The following ZNF723 variants were observed in gnomAD, a reference collection of about 807,000 sequenced individuals.
ZNF723 encodes the protein zinc finger protein 723, also known as zinc finger protein 723, pseudogene.
In ZNF723, 5 loss-of-function variants were observed where a neutral mutation model predicts 9.4. The observed-to-expected ratio is 0.53, with a 90% CI of 0.28 to 1.12. The LOEUF (loss-of-function observed/expected upper bound fraction) is 1.12, where lower values mean the gene tolerates loss of function less well. ZNF723 is among the 50% of genes most tolerant of loss of function. The pLI, the probability that ZNF723 is intolerant of heterozygous loss-of-function variation, is 0.10. For synonymous variants in ZNF723, 158 were observed against 168.8 expected, an observed-to-expected ratio of 0.94 and a Z score of 0.49; for missense variants, 450 against 501.5, an observed-to-expected ratio of 0.90 and a Z score of 0.98.
chr19:22,828,748 C>T (rs562503960), upstream of ZNF723, among the ~76,000 whole-genome samples: 35 of 152,234 alleles, frequency 2.3e-4, 1 homozygote, highest in Non-Finnish European at 3.4e-4. Context: ...AAATGAGTCA[C>T]CTGTGCTAAA....
At chr19:22,829,257 T>G (rs972162319), upstream of ZNF723, among the ~76,000 whole-genome samples, 1 of 151,396 alleles carries the variant, frequency 6.6e-6, no homozygotes, top group African/African-American at 2.4e-5. Context: ...GTTCTGCTAT[T>G]TTACAGTAGG....
At chr19:22,826,570 A>G in the ZNF723 span, among the ~76,000 whole-genome samples, 1 of 152,212 alleles carries the variant, frequency 6.6e-6, no homozygotes, top group Non-Finnish European at 1.5e-5. Context: ...ACTCTCTCAC[A>G]TGGACACAGC....
rs926376349 is a variant in ZNF723, at chr19:22,836,268, C to T, written c.3+3886C>T. On this transcript the variant is annotated intron_variant, in intron 1 of 3. Transcript: ENST00000600766. ...GGAAAGCTGGGGACCCTCAGGCAGA[C>T]GCAGTTAAGGTTAAGATGGAATGGG... is the stretch of plus-strand genomic sequence containing the variant. 5.3e-5 allele frequency among the ~76,000 whole-genome samples: 8 copies of T among 152,104 alleles called. No individual in the cohort carries two copies. The East Asian group carries it at 9.7e-4, about 18-fold the overall frequency.
Position 22,840,981 on chromosome 19 carries a change from T to G in ZNF723, c.4-7280T>G, listed in dbSNP as rs561466740. On this transcript the variant is annotated intron_variant, in intron 1 of 3. Coordinates refer to ENST00000600766, the MANE Select transcript of ZNF723 (RefSeq NM_001349726.2). ...TGGCAATTGGGGTTCATGTAAGATGTGAGCTGCCAGCTATGAGCTTTGTGT... is the reference window on the plus strand; with the variant it reads ...TGGCAATTGGGGTTCATGTAAGATGGGAGCTGCCAGCTATGAGCTTTGTGT... 6.6e-5 allele frequency: 10 copies of G among 152,426 alleles called. No homozygotes were observed. The East Asian group carries it at 1.2e-3, about 18-fold the overall frequency. 9.4% of individuals were successfully genotyped at this position (152,426 alleles called of 1,614,324 possible). A position where few individuals can be genotyped will look rare whatever the true frequency, so the allele number is the denominator to read the frequency against.
chr19:22,857,544 A>G lies in ZNF723; in HGVS notation c.653A>G (p.Asn218Ser). The G allele has an allele frequency of 7.6e-7, 1 of 1,321,130 alleles. No individual in the cohort carries two copies. The highest frequency in any genetic ancestry group is 1.2e-5 in the South Asian group (1 of 84,750). 81.8% of individuals were successfully genotyped at this position (1,321,130 alleles called of 1,614,324 possible). ...KAFSVPSKLN[N>S]HKRIHTGEKP... ...TTTAGTGTGCCCTCAAAGCTTAATA[A>G]TCATAAGAGAATTCATACTGGAGAG... The change falls in exon 4 of 4, where the codon AAT (asparagine) becomes AGT (serine). Residue 218 changes from asparagine to serine, a missense_variant. Physicochemically the swap from Asn to Ser is conservative, Grantham distance 46. This residue lies in a region of ZNF723 where 237 missense variants were observed against 332.2 expected (regional missense o/e 0.71). Coordinates refer to ENST00000600766, the MANE Select transcript of ZNF723 (RefSeq NM_001349726.2).
At chr19:22,855,993 C>T (rs1326660088) in intron 3 of ZNF723, among the ~76,000 whole-genome samples, 1 of 151,976 alleles carries the variant, frequency 6.6e-6, no homozygotes, top group Non-Finnish European at 1.5e-5. Context: ...GAGTCTTGCT[C>T]TTGTCTCCCA....
chr19:22,847,228 G>A (rs952782350), intron 1 of ZNF723, among the ~76,000 whole-genome samples: 1 of 150,604 alleles, frequency 6.6e-6, no homozygotes, highest in Non-Finnish European at 1.5e-5. Context: ...GGTGCCCACC[G>A]CCATGCCAGA....
chr19:22,820,466 T>C, the ZNF723 span, among the ~76,000 whole-genome samples: 1 of 152,132 alleles, frequency 6.6e-6, no homozygotes, highest in Non-Finnish European at 1.5e-5. Context: ...CAGAGAATAT[T>C]ATAATATATT....
the ZNF723 span, among the ~76,000 whole-genome samples, chr19:22,812,728 G>A: frequency 4.6e-5 from 7 of 152,128 alleles, no homozygotes; most frequent in East Asian, 3.9e-4. Context: ...GAGGTCCCAA[G>A]TCTCCCTCAT....
chr19:22,852,036 C>G (rs1023295788), intron 3 of ZNF723, among the ~76,000 whole-genome samples: 2 of 151,916 alleles, frequency 1.3e-5, no homozygotes, highest in African/African-American at 4.8e-5. Context: ...TGATCTGCCC[C>G]CTTCGGCCTC....
chr19:22,830,151 CTAT>C, upstream of ZNF723, among the ~76,000 whole-genome samples: 1 of 152,000 alleles, frequency 6.6e-6, no homozygotes, highest in South Asian at 2.1e-4. Flanking sequence ...TCAAATTATC[CTAT>C]GTCTGTTCAA....
At chr19:22,839,744 G>A (rs1020667719) in intron 1 of ZNF723, among the ~76,000 whole-genome samples, 1 of 151,914 alleles carries the variant, frequency 6.6e-6, no homozygotes, top group Non-Finnish European at 1.5e-5. Flanking sequence ...CAAAGTGCTA[G>A]GATTACAGGC....
intron 3 of ZNF723, among the ~76,000 whole-genome samples, chr19:22,855,217 GATT>G (rs1367107498): frequency 6.7e-6 from 1 of 149,362 alleles, no homozygotes; most frequent in Non-Finnish European, 1.5e-5. Context: ...ATTTTTATAT[GATT>G]ATGTGTTTTC....
the ZNF723 span, among the ~76,000 whole-genome samples, chr19:22,821,954 C>CA: frequency 2.4e-4 from 36 of 152,170 alleles, no homozygotes; most frequent in East Asian, 6.8e-3. Flanking sequence ...ACTAAAAATA[C>CA]AAAAAATTAG....
At chr19:22,832,416 G>C in intron 1 of ZNF723, 34 bp downstream of exon 1, 1 of 1,363,970 alleles carries the variant, frequency 7.3e-7, no homozygotes, top group Non-Finnish European at 1.0e-6. Flanking sequence ...CCGAGAGAGG[G>C]GAAGGGCTGG....
At chr19:22,847,350 A>AT (rs1446912646) in intron 1 of ZNF723, among the ~76,000 whole-genome samples, 1 of 151,942 alleles carries the variant, frequency 6.6e-6, no homozygotes, top group African/African-American at 2.4e-5. Context: ...TTCTTTGCAT[A>AT]TATCTGTCCT....
chr19:22,846,491 C>T (rs1394533410), intron 1 of ZNF723, among the ~76,000 whole-genome samples: 3 of 152,046 alleles, frequency 2.0e-5, no homozygotes, highest in African/African-American at 7.2e-5. Context: ...GGCATGGTGG[C>T]GCATGCCTGT....
At chr19:22,843,943 G>A (rs12980225) in intron 1 of ZNF723, among the ~76,000 whole-genome samples, 2 of 151,912 alleles carry the variant, frequency 1.3e-5, no homozygotes, top group African/African-American at 4.8e-5. Context: ...CTGGAAATAC[G>A]CCAGTGGCAC....
rs2145235588 is a variant in ZNF723, at chr19:22,857,761, T to C, written c.870T>C (p.Cys290=). The change falls in exon 4 of 4, where the codon TGT becomes TGC. Residue 290 remains cysteine (C), a synonymous_variant. Transcript: ENST00000600766. ...AGAAACCCTACAAATGTAAAGAATG[T>C]GGCAAAGCCTTTAATGTGTTCTCAA... ...TGEKPYKCKE[C]GKAFNVFSSL... The C allele has an allele frequency of 7.7e-7, 1 of 1,297,852 alleles. No individual in the cohort carries two copies. The highest frequency in any genetic ancestry group is 1.1e-6 in the Non-Finnish European group (1 of 892,348). 80.4% of individuals were successfully genotyped at this position (1,297,852 alleles called of 1,614,324 possible).
Sources: allele counts gnomAD v4.1 joint callset (sites outside exome capture counted in the v4.1 genomes callset), GRCh38; gene constraint gnomAD v4.1.1; regional missense constraint gnomAD v4.1.1; transcripts MANE v1.5; gene names NCBI Gene and HGNC (gene_info 2026-07-23, HGNC 2026-07-21).